The following ZNF33B variants were observed in gnomAD, a reference collection of about 807,000 sequenced individuals.
ZNF33B encodes zinc finger protein 11b (KOX 2).
Under a neutral mutation model 45.8 loss-of-function variants are expected in ZNF33B, and 29 were observed. The observed-to-expected ratio is 0.63, with a 90% CI of 0.47 to 0.86. The LOEUF (loss-of-function observed/expected upper bound fraction) is 0.86. Ranked by LOEUF, ZNF33B falls within the 40% of genes least tolerant of loss-of-function variation. The probability of loss-of-function intolerance (pLI) is 0.00; values close to 1 mark genes in which losing one functional copy is unlikely to be tolerated. For synonymous variants in ZNF33B, 305 were observed against 307.8 expected, an observed-to-expected ratio of 0.99 and a Z score of 0.10; for missense variants, 831 against 909.9, an observed-to-expected ratio of 0.91 and a Z score of 1.12.
At chr10:42,637,249 C>G (rs1244431450) in intron 1 of ZNF33B, among the ~76,000 whole-genome samples, 1 of 152,034 alleles carries the variant, frequency 6.6e-6, no homozygotes. Flanking sequence ...TCAGTCTTCA[C>G]AAAAAATGTA....
At chr10:42,620,486 T>C (rs1215364283) in intron 4 of ZNF33B, among the ~76,000 whole-genome samples, 1 of 152,032 alleles carries the variant, frequency 6.6e-6, no homozygotes, top group Non-Finnish European at 1.5e-5. Flanking sequence ...CAATGCACCC[T>C]TGACTTCCTG....
intron 4 of ZNF33B, among the ~76,000 whole-genome samples, chr10:42,623,613 T>A (rs1192385279): frequency 6.6e-6 from 1 of 152,164 alleles, no homozygotes; most frequent in Non-Finnish European, 1.5e-5. Context: ...ACATGAAATA[T>A]TCACAACATT....
At chr10:42,582,404 G>A (rs1044691940) in intron 1 of ZNF33B, 10 of 152,086 alleles carry the variant, frequency 6.6e-5, no homozygotes, top group Admixed American at 2.0e-4. Context: ...ATGGGGAGAT[G>A]ACAGAGAGCC....
chr10:42,634,304 G>A (rs1206693667), intron 2 of ZNF33B, among the ~76,000 whole-genome samples: 1 of 152,036 alleles, frequency 6.6e-6, no homozygotes, highest in African/African-American at 2.4e-5. Flanking sequence ...TTGCTGGAGA[G>A]GCTGAGACAG....
Position 42,593,810 on chromosome 10 carries a change from T to C in ZNF33B, c.1140A>G (p.Thr380=), listed in dbSNP as rs1216323853. ...CATTGCATTCAAAAGGTTTCTCCCC[T>C]GTGTGTGATCTCTGATGTTTAGTGA... ...SNLTKHQRSH[T]GEKPFECNEC... is the part of the protein sequence containing the mutation. The change falls in exon 5 of 5, where the codon ACA becomes ACG. Residue 380 remains threonine (T), a synonymous_variant. Transcript: ENST00000359467. The C allele has an allele frequency of 6.2e-7, 1 of 1,613,934 alleles. No individual in the cohort carries two copies. Among genetic ancestry groups the C allele is most frequent in the Non-Finnish European group, 8.5e-7 (1 of 1,179,938 alleles).
At chr10:42,595,419 G>A (rs1034809243) in intron 4 of ZNF33B, among the ~76,000 whole-genome samples, 1 of 152,074 alleles carries the variant, frequency 6.6e-6, no homozygotes, top group African/African-American at 2.4e-5. Context: ...GTTGTAAAGA[G>A]GACAGAGTAA....
rs138758268 is a variant in ZNF33B, at chr10:42,626,772, T to C, written c.250+5157A>G. ...TATTTTTTGAGGACATTGTGTAAAA[T>C]CATCATTAATTCTTGTGTAAATGTT... On this transcript the variant is annotated intron_variant, in intron 4 of 4. Transcript: ENST00000359467. Among the ~76,000 whole-genome samples the C allele has an allele frequency of 4.1e-3, 621 of 152,100 alleles. 2 individuals carry two copies. The highest frequency in any genetic ancestry group is 0.027 in the Middle Eastern group (8 of 294).
intron 1 of ZNF33B, among the ~76,000 whole-genome samples, chr10:42,581,204 G>T (rs755768029): frequency 2.0e-5 from 3 of 152,062 alleles, no homozygotes; most frequent in Non-Finnish European, 4.4e-5. Context: ...GTGTGGCCCG[G>T]GCTGGGGGCA....
intron 4 of ZNF33B, among the ~76,000 whole-genome samples, chr10:42,615,543 T>G (rs115821646): frequency 0.017 from 2,552 of 152,324 alleles, 77 homozygotes; most frequent in African/African-American, 0.058. Context: ...AATTCAATTT[T>G]GGTTGCCAAG....
chr10:42,609,548 A>C (rs1424429907), intron 4 of ZNF33B, among the ~76,000 whole-genome samples: 4 of 152,234 alleles, frequency 2.6e-5, no homozygotes, highest in African/African-American at 7.2e-5. Flanking sequence ...AACTCCAAGA[A>C]AATAAGAAGA....
At chr10:42,638,205 T>A (rs2483695) in intron 1 of ZNF33B, among the ~76,000 whole-genome samples, 22,938 of 152,190 alleles carry the variant, frequency 0.15, 2,324 homozygotes, top group Non-Finnish European at 0.23. Flanking sequence ...CCCGCAAGGC[T>A]CAGCGCTCGG....
At chr10:42,637,009 T>A in intron 1 of ZNF33B, 37 bp from the exon 2 acceptor site, 1 of 1,607,306 alleles carries the variant, frequency 6.2e-7, no homozygotes, top group Non-Finnish European at 8.5e-7. Context: ...CATGAAAGAT[T>A]TGGCCTGCCT....
intron 4 of ZNF33B, among the ~76,000 whole-genome samples, chr10:42,615,261 T>G (rs1297463015): frequency 2.6e-5 from 4 of 152,152 alleles, no homozygotes; most frequent in Non-Finnish European, 4.4e-5. Flanking sequence ...ATGTGAAAAC[T>G]TATACATGAA....
chr10:42,584,722 T>C (rs765344895), downstream of ZNF33B, among the ~76,000 whole-genome samples: 1 of 152,176 alleles, frequency 6.6e-6, no homozygotes, highest in South Asian at 2.1e-4. Context: ...GGTTTTACCA[T>C]GTTGGCCAAG....
chr10:42,616,833 C>G (rs187356182), intron 4 of ZNF33B, among the ~76,000 whole-genome samples: 2 of 152,034 alleles, frequency 1.3e-5, no homozygotes, highest in Admixed American at 6.6e-5. Flanking sequence ...GTAGCTGGGA[C>G]TACAGGTGCG....
intron 1 of ZNF33B, among the ~76,000 whole-genome samples, chr10:42,577,989 C>T (rs1836772604): frequency 6.6e-6 from 1 of 152,092 alleles, no homozygotes; most frequent in South Asian, 2.1e-4. Flanking sequence ...GAAGCAGGAG[C>T]CTCTGTGAAA....
In ZNF33B at chr10:42,593,557, CTG is replaced by C; in HGVS notation, c.1391_1392del (p.Thr464ArgfsTer2). 6.2e-7 allele frequency: 1 copy of C among 1,614,024 alleles called. No individual in the cohort carries two copies. Among genetic ancestry groups the C allele is most frequent in the Non-Finnish European group, 8.5e-7 (1 of 1,179,974 alleles). On this transcript the variant is annotated frameshift_variant, in exon 5 of 5. Coordinates refer to ENST00000359467, the MANE Select transcript of ZNF33B (RefSeq NM_006955.3). LOFTEE classifies it high-confidence loss of function. ...TCAAGACATTCAAAAGGTTTCTCAC[CTG>C]TGTGAGTTCTCTGGTGTACTGTAAG... ...SHLTVHQRTH[T>X]GEKPFECLEC...
chr10:42,580,884 A>G (rs543480498), intron 1 of ZNF33B, among the ~76,000 whole-genome samples: 1 of 151,812 alleles, frequency 6.6e-6, no homozygotes, highest in Non-Finnish European at 1.5e-5. Context: ...ACAGAGCGAG[A>G]CTGTCTCAAT....
intron 4 of ZNF33B, among the ~76,000 whole-genome samples, chr10:42,617,738 A>G (rs183021672): frequency 6.6e-6 from 1 of 152,160 alleles, no homozygotes; most frequent in African/African-American, 2.4e-5. Context: ...GGCAACCACG[A>G]ATCTGTTCTC....
Sources: gnomAD v4.1 joint callset for allele counts (sites outside exome capture counted in the v4.1 genomes callset) on GRCh38, gnomAD v4.1.1 for gene constraint, MANE v1.5 for transcripts, NCBI Gene and HGNC (gene_info 2026-07-23, HGNC 2026-07-21) for gene names.